Variants in FUT8 observed in about 807,000 individuals in gnomAD.
FUT8 encodes the protein alpha-(1,6)-fucosyltransferase.
In FUT8, 29 loss-of-function variants were observed where a neutral mutation model predicts 71.3. The ratio of observed to expected loss-of-function variants is 0.41; its 90% CI spans 0.30 to 0.55. The LOEUF (loss-of-function observed/expected upper bound fraction) is 0.55. Among genes scored for constraint, FUT8 ranks in the 20% least tolerant of loss-of-function variants. The pLI is 0.34. For synonymous variants in FUT8, 254 were observed against 239.3 expected (o/e 1.06, Z -0.57); for missense variants, 544 against 702.1 (o/e 0.77, Z 2.55).
At chr14:65,692,132 G>C (rs1019778538) in intron 7 of FUT8, among the ~76,000 whole-genome samples, 1 of 152,068 alleles carries the variant, frequency 6.6e-6, no homozygotes, top group African/African-American at 2.4e-5. Context: ...CTCCCAGACC[G>C]GGTGGTGGCC....
At chr14:65,403,799 C>A in the FUT8 span, among the ~76,000 whole-genome samples, 1 of 151,348 alleles carries the variant, frequency 6.6e-6, no homozygotes. Flanking sequence ...CCATCCTTCC[C>A]CAGATTGTCT....
chr14:65,371,488 T>C, the FUT8 span, among the ~76,000 whole-genome samples: 1 of 152,256 alleles, frequency 6.6e-6, no homozygotes, highest in Non-Finnish European at 1.5e-5. Context: ...GTCAGTCTCT[T>C]TGACTTACAT....
chr14:65,544,464 A>G (rs1269337866), intron 2 of FUT8, among the ~76,000 whole-genome samples: 1 of 152,048 alleles, frequency 6.6e-6, no homozygotes, highest in Non-Finnish European at 1.5e-5. Flanking sequence ...CACACACACA[A>G]TTGGAGAAAA....
At chr14:65,589,212 T>C (rs980001155) in intron 3 of FUT8, among the ~76,000 whole-genome samples, 1 of 152,178 alleles carries the variant, frequency 6.6e-6, no homozygotes, top group African/African-American at 2.4e-5. Context: ...GATGAAATAT[T>C]TAGAAAAGGA....
chr14:65,610,633 C>T (rs970792367), intron 3 of FUT8, among the ~76,000 whole-genome samples: 1 of 151,916 alleles, frequency 6.6e-6, no homozygotes, highest in African/African-American at 2.4e-5. Flanking sequence ...AGGTGATCCG[C>T]CTGCCTCGGC....
the FUT8 span, among the ~76,000 whole-genome samples, chr14:65,367,122 TG>T: frequency 6.6e-6 from 1 of 152,218 alleles, no homozygotes; most frequent in African/African-American, 2.4e-5. Context: ...TCTCTTCTCC[TG>T]TCCCCATCCT....
At chr14:65,480,299 ATTTTTTTTTTT>A (rs5809276) in intron 2 of FUT8, among the ~76,000 whole-genome samples, 2 of 96,978 alleles carry the variant, frequency 2.1e-5, no homozygotes, top group African/African-American at 3.8e-5. Flanking sequence ...ATGAACTGTG[ATTTTTTTTTTT>A]TTTTTTTTTT....
At chr14:65,459,074 G>C (rs1278439103) in intron 2 of FUT8, among the ~76,000 whole-genome samples, 1 of 152,022 alleles carries the variant, frequency 6.6e-6, no homozygotes, top group Non-Finnish European at 1.5e-5. Context: ...TAGATGTGAG[G>C]CACTGTGCCC....
chr14:65,722,083 C>A, intron 8 of FUT8, 62 bp downstream of exon 8: 2 of 1,565,368 alleles, frequency 1.3e-6, no homozygotes, highest in East Asian at 2.2e-5. Context: ...TGTATCTTTA[C>A]AATATATTGT....
intron 6 of FUT8, among the ~76,000 whole-genome samples, chr14:65,653,958 G>A (rs781196976): frequency 3.3e-5 from 5 of 152,162 alleles, no homozygotes; most frequent in Non-Finnish European, 7.4e-5. Flanking sequence ...GCAGACTTGC[G>A]TAAAAAAGGA....
the FUT8 span, among the ~76,000 whole-genome samples, chr14:65,364,898 G>C: frequency 1.3e-5 from 2 of 152,114 alleles, no homozygotes; most frequent in African/African-American, 4.8e-5. Flanking sequence ...GATTGCACAT[G>C]TGTCTTCTCT....
intron 7 of FUT8, among the ~76,000 whole-genome samples, chr14:65,691,397 T>C (rs1453775013): frequency 2.6e-5 from 4 of 151,184 alleles, no homozygotes; most frequent in African/African-American, 9.9e-5. Flanking sequence ...AGGCTGTTTG[T>C]AGATGTTCTT....
chr14:65,466,315 T>C (rs2066043987), intron 2 of FUT8, among the ~76,000 whole-genome samples: 1 of 152,236 alleles, frequency 6.6e-6, no homozygotes, highest in Non-Finnish European at 1.5e-5. Flanking sequence ...GTCTACTGTA[T>C]TTATAACTGT....
At chr14:65,531,962 T>A (rs940606912) in intron 2 of FUT8, among the ~76,000 whole-genome samples, 1 of 152,190 alleles carries the variant, frequency 6.6e-6, no homozygotes, top group Non-Finnish European at 1.5e-5. Context: ...CATTTTTTTT[T>A]ATGACTGCAT....
chr14:65,404,883 GTAT>G, the FUT8 span, among the ~76,000 whole-genome samples: 1 of 152,182 alleles, frequency 6.6e-6, no homozygotes, highest in African/African-American at 2.4e-5. Flanking sequence ...AACTGCAATG[GTAT>G]TATTGTATCA....
At chr14:65,400,803 T>G in the FUT8 span, among the ~76,000 whole-genome samples, 4 of 152,046 alleles carry the variant, frequency 2.6e-5, no homozygotes, top group African/African-American at 9.7e-5. Flanking sequence ...GAGGACTGCT[T>G]GAGCCTGGGA....
intron 7 of FUT8, among the ~76,000 whole-genome samples, chr14:65,704,636 T>TCC (rs1894471819): frequency 1.3e-5 from 2 of 152,190 alleles, no homozygotes; most frequent in Non-Finnish European, 2.9e-5. Flanking sequence ...GTTGGCAGTA[T>TCC]CCCCTTTATT....
Position 65,627,814 on chromosome 14 carries a change from G to T in FUT8, c.483-1678G>T, listed in dbSNP as rs1221633548. ...GCTTCAGTTGTTTTCTATCTATTTAGGAGACTGCCGTTCCCTGGCACCAGC... is the reference window on the plus strand; with the variant it reads ...GCTTCAGTTGTTTTCTATCTATTTATGAGACTGCCGTTCCCTGGCACCAGC... On this transcript the variant is annotated intron_variant, in intron 5 of 10. Coordinates refer to ENST00000673929, the MANE Select transcript of FUT8 (RefSeq NM_001371533.1). The surrounding 1 kb of genome is among the most constrained non-coding windows in gnomAD (Gnocchi z 4.0). 2.6e-5 allele frequency among the ~76,000 whole-genome samples: 4 copies of T among 152,144 alleles called. No homozygotes were observed. Among genetic ancestry groups the T allele is most frequent in the African/African-American group, 9.7e-5 (4 of 41,432 alleles).
In FUT8 at chr14:65,472,708, A is replaced by G. The variant is rs1010902842; in HGVS notation, c.-228+16990A>G. ...CTGATACTTTGGATTTATGGAACCAATTAATTTGATGACTCATTTACATTG... is the reference window on the plus strand; with the variant it reads ...CTGATACTTTGGATTTATGGAACCAGTTAATTTGATGACTCATTTACATTG... On this transcript the variant is annotated intron_variant, in intron 2 of 10. Transcript: ENST00000673929. The surrounding 1 kb of genome is among the most constrained non-coding windows in gnomAD (Gnocchi z 4.4). Among the ~76,000 whole-genome samples the G allele has an allele frequency of 1.3e-5, 2 of 152,180 alleles. No homozygotes were observed. The highest frequency in any genetic ancestry group is 1.5e-5 in the Non-Finnish European group (1 of 68,024).
Sources: allele counts gnomAD v4.1 joint callset (sites outside exome capture counted in the v4.1 genomes callset), GRCh38; gene constraint gnomAD v4.1.1; non-coding constraint Gnocchi (gnomAD v3.1); transcripts MANE v1.5; gene names NCBI Gene and HGNC (gene_info 2026-07-23, HGNC 2026-07-21).